CDC34: variants seen among roughly 807,000 people sequenced by gnomAD.
CDC34 encodes the protein cell division cycle 34, ubiquitin conjugating enzyme, also known as ubiquitin-conjugating enzyme E2 R1.
A neutral mutation model predicts 26.8 loss-of-function variants in CDC34; 18 were observed. The ratio of observed to expected loss-of-function variants is 0.67; its 90% CI spans 0.47 to 1.00. CDC34 has a LOEUF of 1.00. CDC34 is among the 50% of genes least tolerant of loss of function. The pLI is 0.00. For missense variants in CDC34, 280 were observed against 334.5 expected (o/e 0.84, Z 1.27); for synonymous variants, 178 against 147.5 (o/e 1.21, Z -1.50).
At chr19:536,165 C>A in intron 2 of CDC34, 78 bp from the exon 3 acceptor site, 1 of 1,220,540 alleles carries the variant, frequency 8.2e-7, no homozygotes, top group South Asian at 1.3e-5. Context: ...TCCTCCACGT[C>A]CTCATCCTCC....
At chr19:539,097 G>A (rs559232149) in intron 4 of CDC34, 514 of 843,766 alleles carry the variant, frequency 6.1e-4, no homozygotes, top group Admixed American at 3.4e-3. Context: ...GTTTCTGCCT[G>A]TTTTTTCATC....
chr19:535,787 C>A, intron 1 of CDC34, 50 bp from the exon 2 acceptor site: 1 of 1,422,534 alleles, frequency 7.0e-7, no homozygotes, highest in Non-Finnish European at 9.9e-7. Context: ...TGAGCTGGGG[C>A]AGGTCTTGGG....
chr19:538,909 T>A, intron 4 of CDC34: 1 of 985,252 alleles, frequency 1.0e-6, no homozygotes, highest in African/African-American at 1.7e-5. Flanking sequence ...GTGGCCCCGG[T>A]CCGGTCGTGT....
chr19:536,543 C>T (rs542020813), intron 3 of CDC34: 19 of 589,256 alleles, frequency 3.2e-5, no homozygotes, highest in South Asian at 2.0e-4. Context: ...CACCGTGTGT[C>T]GGTGCAGACT....
At chr19:532,957 C>T (rs1979565466) in intron 1 of CDC34, among the ~76,000 whole-genome samples, 1 of 152,180 alleles carries the variant, frequency 6.6e-6, no homozygotes, top group Admixed American at 6.5e-5. Context: ...TCTTGGGACC[C>T]AAACCCCGAG....
chr19:538,042 G>T (rs1265258845), intron 4 of CDC34, among the ~76,000 whole-genome samples: 1 of 152,190 alleles, frequency 6.6e-6, no homozygotes, highest in Non-Finnish European at 1.5e-5. Flanking sequence ...GTCGTGCTGT[G>T]TGTGCCCAGT....
At position 541,831 on chromosome 19, in the gene CDC34, T is replaced by A; in HGVS notation, c.*279T>A. 3.8e-6 allele frequency: 1 copy of A among 266,436 alleles called. No homozygotes were observed. Among genetic ancestry groups the A allele is most frequent in the South Asian group, 1.3e-4 (1 of 7,910 alleles). The allele number at this position is 266,436 out of a possible 1,614,324, so 16.5% of individuals were successfully genotyped here. ...CTCGGGAGGGGAGCTGAGCCCGACTTCTACCGGGGTCCCCCAGCTTCCGGA... is the reference window on the plus strand; with the variant it reads ...CTCGGGAGGGGAGCTGAGCCCGACTACTACCGGGGTCCCCCAGCTTCCGGA... On this transcript the variant is annotated 3_prime_UTR_variant, in exon 5 of 5. Coordinates refer to ENST00000215574, the MANE Select transcript of CDC34 (RefSeq NM_004359.2).
intron 1 of CDC34, among the ~76,000 whole-genome samples, chr19:533,826 C>T (rs749706583): frequency 6.6e-6 from 1 of 152,192 alleles, no homozygotes. Context: ...CTGCCACCCA[C>T]GAGGACTCTC....
chr19:538,170 C>T (rs940520194), intron 4 of CDC34, among the ~76,000 whole-genome samples: 3 of 152,230 alleles, frequency 2.0e-5, no homozygotes, highest in African/African-American at 4.8e-5. Flanking sequence ...AAAATGGGGT[C>T]GTGCTGTGTG....
At chr19:532,279 C>T (rs1052200122) in intron 1 of CDC34, among the ~76,000 whole-genome samples, 171 bp downstream of exon 1, 1 of 152,196 alleles carries the variant, frequency 6.6e-6, no homozygotes, top group Non-Finnish European at 1.5e-5. Context: ...CTCTGCCCGG[C>T]CCCCTCCTCG....
At chr19:532,881 A>G (rs1283196777) in intron 1 of CDC34, among the ~76,000 whole-genome samples, 1 of 152,172 alleles carries the variant, frequency 6.6e-6, no homozygotes, top group Non-Finnish European at 1.5e-5. Flanking sequence ...CCCCGACCTC[A>G]GAAGCTCCGG....
At position 536,282 on chromosome 19, in the gene CDC34, G is replaced by T. The variant is rs768235050; in HGVS notation, c.304G>T (p.Asp102Tyr). The T allele has an allele frequency of 2.5e-6, 4 of 1,612,344 alleles. No homozygotes were observed. The highest frequency in any genetic ancestry group is 3.4e-6 in the Non-Finnish European group (4 of 1,179,670). The part of the protein sequence containing the change: ...VCISILHPPV[D>Y]DPQSGELPSE... ...TATCTCCATCCTCCACCCGCCGGTG[G>T]ACGACCCCCAGAGCGGGGAGCTGCC... Residue 102 changes from aspartate (D) to tyrosine (Y), a missense_variant, in exon 3 of 5, where the codon GAC becomes TAC. Transcript: ENST00000215574.
At chr19:538,302 G>A (rs1034254984) in intron 4 of CDC34, among the ~76,000 whole-genome samples, 2 of 152,254 alleles carry the variant, frequency 1.3e-5, no homozygotes, top group African/African-American at 2.4e-5. Flanking sequence ...GGCGCCTTCT[G>A]TACCTGCAGT....
chr19:533,552 C>A (rs12979110), intron 1 of CDC34, among the ~76,000 whole-genome samples: 130,327 of 152,150 alleles, frequency 0.86, 56,698 homozygotes, highest in East Asian at 1. Flanking sequence ...CCTCCGCCAG[C>A]CCCTTCTGTC....
intron 3 of CDC34, 78 bp from the exon 4 acceptor site, chr19:536,935 C>A: frequency 6.3e-7 from 1 of 1,575,112 alleles, no homozygotes; most frequent in Non-Finnish European, 8.7e-7. Flanking sequence ...CAGGCGTCCC[C>A]GTGACCCTCA....
intron 1 of CDC34, among the ~76,000 whole-genome samples, chr19:533,236 C>G (rs1445220313): frequency 6.6e-6 from 1 of 152,152 alleles, no homozygotes; most frequent in African/African-American, 2.4e-5. Context: ...TCTCCCCCTC[C>G]CACCGTCACT....
chr19:536,436 C>T (rs565150109), intron 3 of CDC34, 96 bp downstream of exon 3: 41 of 1,023,704 alleles, frequency 4.0e-5, no homozygotes, highest in Admixed American at 2.3e-4. Flanking sequence ...CGGGCTCCCC[C>T]ACAGGCTGTG....
In CDC34 at chr19:535,829, C is replaced by T. The variant is rs1232945419; in HGVS notation, c.178-8C>T. On this transcript the variant is annotated splice_region_variant and splice_polypyrimidine_tract_variant and intron_variant, in intron 1 of 4. Coordinates refer to ENST00000215574, the MANE Select transcript of CDC34 (RefSeq NM_004359.2). ...CTGGACTGAGCCACCTGCCTTCTGCCCCTGCAGGCGCGCCTCAAGTTCCCC... is the reference window on the plus strand; with the variant it reads ...CTGGACTGAGCCACCTGCCTTCTGCTCCTGCAGGCGCGCCTCAAGTTCCCC... The T allele has an allele frequency of 2.5e-6, 4 of 1,612,266 alleles. No individual in the cohort carries two copies. The highest frequency in any genetic ancestry group is 2.7e-5 in the African/African-American group (2 of 74,914).
intron 1 of CDC34, among the ~76,000 whole-genome samples, chr19:534,479 A>G (rs79755074): frequency 0.043 from 2,207 of 51,376 alleles, 16 homozygotes; most frequent in East Asian, 0.1. Flanking sequence ...CCCTGTCCAG[A>G]CCTCACCCAC....
Sources: allele counts gnomAD v4.1 joint callset (sites outside exome capture counted in the v4.1 genomes callset), GRCh38; gene constraint gnomAD v4.1.1; transcripts MANE v1.5; gene names NCBI Gene and HGNC (gene_info 2026-07-23, HGNC 2026-07-21).